Variants in SHANK2 observed in about 807,000 individuals in gnomAD.
SHANK2 encodes SH3 and multiple ankyrin repeat domains protein 2.
SHANK2 carries 43 observed loss-of-function variants against 133.7 expected under a neutral mutation model. The ratio of observed to expected loss-of-function variants is 0.32; its 90% CI spans 0.25 to 0.41. The LOEUF (loss-of-function observed/expected upper bound fraction) is 0.41. SHANK2 is among the 10% of genes least tolerant of loss of function. SHANK2 has a pLI of 1.00. For missense variants in SHANK2, 1,994 were observed against 2,235.8 expected (o/e 0.89, Z 2.18); for synonymous variants, 1,017 against 952.8 (o/e 1.07, Z -1.24).
At chr11:70,550,883 C>T (rs1309808454) in intron 17 of SHANK2, among the ~76,000 whole-genome samples, 3 of 152,168 alleles carry the variant, frequency 2.0e-5, no homozygotes, top group Admixed American at 6.5e-5. Context: ...TGAGAAACAT[C>T]GAGGTGTGGA....
chr11:71,130,078 G>A (rs1449099812), intron 3 of SHANK2, among the ~76,000 whole-genome samples: 2 of 152,058 alleles, frequency 1.3e-5, no homozygotes, highest in African/African-American at 4.8e-5. Context: ...ATGGGATCAG[G>A]GCCCACTCTA....
At chr11:71,137,745 C>G (rs141927153) in intron 3 of SHANK2, among the ~76,000 whole-genome samples, 2 of 152,166 alleles carry the variant, frequency 1.3e-5, no homozygotes, top group African/African-American at 4.8e-5. Flanking sequence ...AAGGACAAAC[C>G]TTCTTGAAGT....
intron 15 of SHANK2, among the ~76,000 whole-genome samples, chr11:70,672,349 C>T (rs1555016298): frequency 6.6e-6 from 1 of 152,208 alleles, no homozygotes; most frequent in Admixed American, 6.5e-5. Flanking sequence ...CAGGCGTGAG[C>T]CACCGCACCC....
chr11:70,757,452 C>T (rs1946899144), intron 14 of SHANK2, among the ~76,000 whole-genome samples: 1 of 152,238 alleles, frequency 6.6e-6, no homozygotes, highest in South Asian at 2.1e-4. Flanking sequence ...GGCCGGGACA[C>T]CCAGCCCTGC....
intron 17 of SHANK2, among the ~76,000 whole-genome samples, chr11:70,544,562 G>T (rs1215712046): frequency 6.6e-6 from 1 of 152,158 alleles, no homozygotes; most frequent in Admixed American, 6.5e-5. Context: ...CACTCAGCAG[G>T]GTCAGGAGGG....
intron 17 of SHANK2, among the ~76,000 whole-genome samples, chr11:70,637,232 T>G (rs567752585): frequency 6.6e-6 from 1 of 152,108 alleles, no homozygotes; most frequent in Non-Finnish European, 1.5e-5. Flanking sequence ...TGCCTGTCAA[T>G]CTGTGCAGTG....
intron 14 of SHANK2, among the ~76,000 whole-genome samples, chr11:70,706,855 T>A (rs564387204): frequency 6.6e-6 from 1 of 152,168 alleles, no homozygotes; most frequent in African/African-American, 2.4e-5. Context: ...GCATTTAAAA[T>A]AGACCTTTAA....
chr11:70,841,458 G>A (rs531135528), intron 11 of SHANK2, among the ~76,000 whole-genome samples: 7 of 152,284 alleles, frequency 4.6e-5, no homozygotes, highest in East Asian at 1.9e-4. Context: ...GTCAGCAACT[G>A]GATGGAGGTC....
At chr11:70,819,042 C>A (rs1173725634) in intron 12 of SHANK2, among the ~76,000 whole-genome samples, 1 of 152,186 alleles carries the variant, frequency 6.6e-6, no homozygotes, top group African/African-American at 2.4e-5. Flanking sequence ...CTGCAAGACT[C>A]CCCGCAGCCA....
intron 14 of SHANK2, among the ~76,000 whole-genome samples, chr11:70,759,468 C>T (rs1361020586): frequency 6.6e-6 from 1 of 152,170 alleles, no homozygotes; most frequent in Non-Finnish European, 1.5e-5. Flanking sequence ...GGCTACAGAG[C>T]AAGACTCCAT....
intron 17 of SHANK2, among the ~76,000 whole-genome samples, chr11:70,593,258 C>T (rs906483496): frequency 2.6e-5 from 4 of 152,176 alleles, no homozygotes; most frequent in Admixed American, 6.5e-5. Context: ...ACTCTTGCTG[C>T]ATTGAGAAAA....
chr11:70,760,476 G>A (rs1032650801), intron 14 of SHANK2, among the ~76,000 whole-genome samples: 33 of 152,190 alleles, frequency 2.2e-4, no homozygotes, highest in Admixed American at 8.5e-4. Flanking sequence ...GGAGGCCATC[G>A]TAATCTAAGA....
At chr11:70,586,732 C>T (rs1295841510) in intron 17 of SHANK2, among the ~76,000 whole-genome samples, 7 of 152,154 alleles carry the variant, frequency 4.6e-5, no homozygotes, top group Non-Finnish European at 8.8e-5. Context: ...AGGGGAATGG[C>T]GAGGGAAGCA....
At chr11:70,561,960 T>G (rs1347124999) in intron 17 of SHANK2, among the ~76,000 whole-genome samples, 5 of 152,258 alleles carry the variant, frequency 3.3e-5, no homozygotes, top group Non-Finnish European at 7.3e-5. Context: ...TTACAGACAC[T>G]TTAGAGGCAT....
At chr11:70,680,302 C>G (rs1442542136) in intron 15 of SHANK2, among the ~76,000 whole-genome samples, 3 of 152,180 alleles carry the variant, frequency 2.0e-5, no homozygotes, top group Non-Finnish European at 4.4e-5. Context: ...AACTTGGCAG[C>G]TAGACACATT....
chr11:71,142,829 C>T (rs1952582649), intron 3 of SHANK2, among the ~76,000 whole-genome samples: 1 of 148,104 alleles, frequency 6.8e-6, no homozygotes, highest in Non-Finnish European at 1.5e-5. Context: ...AAAAAAAAGT[C>T]ACCTATGAGA....
At chr11:70,802,768 C>A (rs782345370) in intron 13 of SHANK2, among the ~76,000 whole-genome samples, 1 of 152,166 alleles carries the variant, frequency 6.6e-6, no homozygotes, top group Non-Finnish European at 1.5e-5. Context: ...AAAACGCTGG[C>A]GCCCCCTGTG....
intron 17 of SHANK2, among the ~76,000 whole-genome samples, chr11:70,553,094 TCTC>T (rs1554978624): frequency 1.3e-5 from 2 of 151,896 alleles, no homozygotes; most frequent in African/African-American, 4.8e-5. Context: ...ACTTTAATAA[TCTC>T]CTTTATTTTT....
At chr11:70,800,168 G>A (rs962101028) in intron 13 of SHANK2, among the ~76,000 whole-genome samples, 22 of 152,126 alleles carry the variant, frequency 1.4e-4, no homozygotes, top group Admixed American at 6.6e-4. Flanking sequence ...GATGACAGGC[G>A]TGTACCACGA....
Sources: allele counts gnomAD v4.1 joint callset (sites outside exome capture counted in the v4.1 genomes callset), GRCh38; gene constraint gnomAD v4.1.1; transcripts MANE v1.5; gene names NCBI Gene and HGNC (gene_info 2026-07-23, HGNC 2026-07-21).